The following KCNMA1 variants were observed in gnomAD, a reference collection of about 807,000 sequenced individuals.
KCNMA1 encodes Calcium-activated potassium channel subunit alpha-1.
A neutral mutation model predicts 140.0 loss-of-function variants in KCNMA1; 29 were observed. The observed-to-expected ratio is 0.21, with a 90% CI of 0.15 to 0.28. The LOEUF (loss-of-function observed/expected upper bound fraction) is 0.28, where lower values mean the gene tolerates loss of function less well. Among genes scored for constraint, KCNMA1 ranks in the 10% least tolerant of loss-of-function variants. KCNMA1 has a pLI of 1.00. For synonymous variants in KCNMA1, 612 were observed against 611.9 expected, an observed-to-expected ratio of 1.00 and a Z score of 0.00; for missense variants, 880 against 1,602.2, an observed-to-expected ratio of 0.55 and a Z score of 7.70.
chr10:76,994,859 A>G (rs2083743169), intron 19 of KCNMA1, among the ~76,000 whole-genome samples: 1 of 152,202 alleles, frequency 6.6e-6, no homozygotes, highest in Non-Finnish European at 1.5e-5. Context: ...GAAGTATCCA[A>G]CTGAAATGAT....
intron 2 of KCNMA1, among the ~76,000 whole-genome samples, chr10:77,284,529 C>T (rs2069988376): frequency 6.6e-6 from 1 of 151,858 alleles, no homozygotes; most frequent in South Asian, 2.1e-4. Context: ...ATTATTATTG[C>T]TCAAGATGGT....
chr10:77,574,336 T>C (rs768737766), intron 1 of KCNMA1, among the ~76,000 whole-genome samples: 2 of 152,248 alleles, frequency 1.3e-5, no homozygotes, highest in Admixed American at 1.3e-4. Context: ...TACACATGTA[T>C]ATACACAATG....
chr10:77,168,402 A>G (rs1217007698), intron 5 of KCNMA1, among the ~76,000 whole-genome samples: 2 of 152,200 alleles, frequency 1.3e-5, no homozygotes, highest in Non-Finnish European at 2.9e-5. Context: ...AACATCATAA[A>G]GTACACTTAG....
chr10:77,291,281 T>C (rs1266546098), intron 2 of KCNMA1, among the ~76,000 whole-genome samples: 1 of 152,190 alleles, frequency 6.6e-6, no homozygotes, highest in Non-Finnish European at 1.5e-5. Context: ...TTGTATGAAA[T>C]GTACTTACGG....
At position 77,199,564 on chromosome 10, in the gene KCNMA1, C is replaced by T. The variant is rs118040242; in HGVS notation, c.603-14648G>A. 5.8e-4 allele frequency among the ~76,000 whole-genome samples: 89 copies of T among 152,278 alleles called. No individual in the cohort carries two copies. The East Asian group carries it at 0.016, about 27-fold the overall frequency. ...CGTGAACTGCTTTGTTAGTGGCCAG[C>T]ACATGATGGATGCTATGTCAGTGGT... is the stretch of plus-strand genomic sequence containing the variant. On this transcript the variant is annotated intron_variant, in intron 3 of 27. Transcript: ENST00000286628.
chr10:77,183,329 T>G, intron 5 of KCNMA1, 92 bp downstream of exon 5: 2 of 836,948 alleles, frequency 2.4e-6, no homozygotes, highest in Non-Finnish European at 4.2e-6. Context: ...CAACATTGTT[T>G]GTAGGGAGAC....
At chr10:77,146,800 G>A (rs148163537) in intron 5 of KCNMA1, among the ~76,000 whole-genome samples, 101 of 149,388 alleles carry the variant, frequency 6.8e-4, no homozygotes, top group African/African-American at 2.4e-3. Flanking sequence ...ATTGATCTAC[G>A]TGTGTTTTAA....
intron 1 of KCNMA1, among the ~76,000 whole-genome samples, chr10:77,570,118 A>T (rs1321099584): frequency 6.6e-6 from 1 of 151,592 alleles, no homozygotes; most frequent in Non-Finnish European, 1.5e-5. Context: ...GAGAAATAGG[A>T]ACACTTTTAC....
intron 1 of KCNMA1, among the ~76,000 whole-genome samples, chr10:77,523,206 C>G (rs978942979): frequency 2.7e-5 from 4 of 148,454 alleles, no homozygotes; most frequent in Admixed American, 6.7e-5. Flanking sequence ...TGGACGTGCC[C>G]CCCCCCCTTG....
intron 27 of KCNMA1, 32 bp downstream of exon 27, chr10:76,889,419 G>A (rs753790584): frequency 7.3e-7 from 1 of 1,365,412 alleles, no homozygotes; most frequent in African/African-American, 1.4e-5. Flanking sequence ...TCTGTGATTA[G>A]GTGGGAGGGC....
chr10:76,938,651 T>TA (rs1324698052), intron 23 of KCNMA1, among the ~76,000 whole-genome samples: 3 of 152,128 alleles, frequency 2.0e-5, no homozygotes, highest in Admixed American at 6.5e-5. Context: ...CATAAACACA[T>TA]AAAAAATTAT....
rs935176037 is a variant in KCNMA1, at chr10:77,108,118, G to A, written c.1223+363C>T. On this transcript the variant is annotated intron_variant, in intron 9 of 27. Transcript: ENST00000286628. The surrounding 1 kb of genome is among the most constrained non-coding windows in gnomAD (Gnocchi z 4.6). The stretch of plus-strand genomic sequence containing the variant: ...AATTTGTGAATGGGAGTTGGTCCAA[G>A]CGTGGCAACGTCCTCGGGTCACCTC... Among the ~76,000 whole-genome samples, 29 of 152,254 alleles carry A rather than the reference G, an allele frequency of 1.9e-4. No homozygotes were observed. The highest frequency in any genetic ancestry group is 6.7e-4 in the African/African-American group (28 of 41,550).
chr10:77,198,027 G>A (rs557622109), intron 3 of KCNMA1, among the ~76,000 whole-genome samples: 1 of 152,214 alleles, frequency 6.6e-6, no homozygotes, highest in South Asian at 2.1e-4. Context: ...GGCTTCCCTG[G>A]CCATCCTTTC....
At chr10:76,904,842 A>G (rs1387554823) in intron 25 of KCNMA1, 2 of 152,436 alleles carry the variant, frequency 1.3e-5, no homozygotes, top group African/African-American at 4.8e-5. Context: ...TGCAATGCAG[A>G]CACATAAGAT....
intron 5 of KCNMA1, among the ~76,000 whole-genome samples, chr10:77,164,738 T>C (rs188760704): frequency 8.1e-4 from 123 of 152,260 alleles, no homozygotes; most frequent in African/African-American, 2.8e-3. Context: ...AGCCAGATAA[T>C]AGAGGTGTTC....
At chr10:77,018,966 G>A in intron 17 of KCNMA1, 47 bp downstream of exon 17, 1 of 1,072,058 alleles carries the variant, frequency 9.3e-7, no homozygotes, top group Non-Finnish European at 1.5e-6. Flanking sequence ...GGGTCAAGGT[G>A]TCTACAGCCG....
intron 1 of KCNMA1, among the ~76,000 whole-genome samples, chr10:77,420,734 G>T (rs755371502): frequency 1.4e-4 from 22 of 152,182 alleles, no homozygotes; most frequent in Non-Finnish European, 2.9e-4. Context: ...CAGGAAGGAA[G>T]GTTCTTTAGG....
chr10:76,969,300 GGGAAGGAA>G (rs150214377), intron 20 of KCNMA1, among the ~76,000 whole-genome samples: 5 of 109,286 alleles, frequency 4.6e-5, no homozygotes, highest in African/African-American at 6.9e-5. Flanking sequence ...GAAGGAAGGA[GGGAAGGAA>G]GGAAGGAAGG....
intron 18 of KCNMA1, among the ~76,000 whole-genome samples, chr10:77,002,750 C>G (rs2086910989): frequency 6.6e-6 from 1 of 152,144 alleles, no homozygotes; most frequent in Non-Finnish European, 1.5e-5. Flanking sequence ...TTTTGTACCT[C>G]ATTTTGATGC....
Sources: allele counts gnomAD v4.1 joint callset (sites outside exome capture counted in the v4.1 genomes callset), GRCh38; gene constraint gnomAD v4.1.1; non-coding constraint Gnocchi (gnomAD v3.1); transcripts MANE v1.5; gene names NCBI Gene and HGNC (gene_info 2026-07-23, HGNC 2026-07-21).